SLC44A1: variants seen among roughly 807,000 people sequenced by gnomAD.
The protein encoded by SLC44A1 is choline transporter-like protein 1.
SLC44A1 carries 26 observed loss-of-function variants against 79.3 expected under a neutral mutation model. The ratio of observed to expected loss-of-function variants is 0.33; its 90% confidence interval spans 0.24 to 0.46. The LOEUF (loss-of-function observed/expected upper bound fraction) is 0.46, where lower values mean the gene tolerates loss of function less well. Among genes scored for constraint, SLC44A1 ranks in the 20% least tolerant of loss-of-function variants. The pLI is 1.00. For missense variants in SLC44A1, 688 were observed against 798.1 expected (o/e 0.86, Z 1.66); for synonymous variants, 263 against 286.2 (o/e 0.92, Z 0.82).
chr9:105,336,109 T>C (rs1036654094), intron 4 of SLC44A1, among the ~76,000 whole-genome samples: 5 of 150,930 alleles, frequency 3.3e-5, no homozygotes, highest in African/African-American at 9.9e-5. Context: ...ACAATATATA[T>C]ACATACATAT....
In SLC44A1 at chr9:105,259,280, C is replaced by G. The variant is rs556929683; in HGVS notation, c.36+14376C>G. The stretch of plus-strand genomic sequence containing the variant: ...TAATTCACCAATTCCTGAAAATACA[C>G]TTTTAAATAAGTAATGGATATTTAT... On this transcript the variant is annotated intron_variant, in intron 1 of 15. Coordinates refer to ENST00000374720, the MANE Select transcript of SLC44A1 (RefSeq NM_080546.5). Among the ~76,000 whole-genome samples, 10 of 152,290 alleles carry G rather than the reference C, an allele frequency of 6.6e-5. No individual in the cohort carries two copies. In the East Asian group the frequency reaches 1.9e-3, roughly 29 times the overall value.
At chr9:105,324,336 C>T (rs1310657511) in intron 3 of SLC44A1, among the ~76,000 whole-genome samples, 1 of 151,636 alleles carries the variant, frequency 6.6e-6, no homozygotes, top group Non-Finnish European at 1.5e-5. Flanking sequence ...CTGCAACCTC[C>T]ACCTCCTGGG....
At chr9:105,374,850 A>T in intron 13 of SLC44A1, 115 bp downstream of exon 13, 2 of 737,096 alleles carry the variant, frequency 2.7e-6, no homozygotes, top group Non-Finnish European at 4.5e-6. Context: ...TATAGCGAGT[A>T]CTTAGAAAGC....
Position 105,391,634 on chromosome 9 carries a change from G to C in SLC44A1, c.*2578G>C. On this transcript the variant is annotated 3_prime_UTR_variant, in exon 16 of 16. Coordinates refer to ENST00000374720, the MANE Select transcript of SLC44A1 (RefSeq NM_080546.5). ...AGGATTTTAAGCAATATTTAAATGTGTTGAGGTTATGTTTGGATATTCCTG... is the reference window on the plus strand; with the variant it reads ...AGGATTTTAAGCAATATTTAAATGTCTTGAGGTTATGTTTGGATATTCCTG... The C allele has an allele frequency of 4.1e-6, 4 of 985,330 alleles. No homozygotes were observed. In the South Asian group the frequency reaches 1.9e-4, roughly 46 times the overall value. 61.0% of individuals were successfully genotyped at this position (985,330 alleles called of 1,614,324 possible).
At chr9:105,354,062 T>C in intron 5 of SLC44A1, among the ~76,000 whole-genome samples, 1 of 135,602 alleles carries the variant, frequency 7.4e-6, no homozygotes, top group Non-Finnish European at 1.6e-5. Flanking sequence ...TTTTTTTTTT[T>C]TTTTTTGAGA....
chr9:105,357,585 C>T (rs1827658045), intron 6 of SLC44A1, among the ~76,000 whole-genome samples: 1 of 151,956 alleles, frequency 6.6e-6, no homozygotes, highest in Non-Finnish European at 1.5e-5. Context: ...AACGTATTTC[C>T]CATGCAAGGG....
At chr9:105,320,407 A>G (rs974300158) in intron 3 of SLC44A1, among the ~76,000 whole-genome samples, 2 of 151,260 alleles carry the variant, frequency 1.3e-5, no homozygotes, top group Non-Finnish European at 2.9e-5. Context: ...TTGAGATTGC[A>G]GAGTCATGTG....
chr9:105,310,119 G>A (rs1831138874), intron 3 of SLC44A1, among the ~76,000 whole-genome samples: 1 of 151,710 alleles, frequency 6.6e-6, no homozygotes, highest in Admixed American at 6.6e-5. Flanking sequence ...AATGGGTAAA[G>A]GCTTGATTTG....
intron 1 of SLC44A1, among the ~76,000 whole-genome samples, chr9:105,268,327 G>A (rs1183308225): frequency 6.6e-6 from 1 of 152,034 alleles, no homozygotes; most frequent in Non-Finnish European, 1.5e-5. Context: ...GCTTTTTCGA[G>A]TGTACTAGGT....
chr9:105,275,298 C>T (rs1302123205), intron 1 of SLC44A1, among the ~76,000 whole-genome samples: 1 of 152,178 alleles, frequency 6.6e-6, no homozygotes, highest in Non-Finnish European at 1.5e-5. Flanking sequence ...ATGTGTTTTA[C>T]AGCATCAGGG....
chr9:105,394,012 A>G lies in SLC44A1; in HGVS notation c.*4956A>G, dbSNP rs914136189. The G allele has an allele frequency of 3.0e-5, 30 of 984,436 alleles. No individual in the cohort carries two copies. Among genetic ancestry groups the G allele is most frequent in the Non-Finnish European group, 3.3e-5 (27 of 829,140 alleles). The allele number at this position is 984,436 out of a possible 1,614,324, so 61.0% of individuals were successfully genotyped here. ...CAAAAACAAGTTATTTTGAAGAGAC[A>G]ATGGGTCTCTTTGAGCTTAAGAAAG... On this transcript the variant is annotated 3_prime_UTR_variant, in exon 16 of 16. Coordinates refer to ENST00000374720, the MANE Select transcript of SLC44A1 (RefSeq NM_080546.5).
At position 105,389,069 on chromosome 9, in the gene SLC44A1, G is replaced by A. The variant is rs1828699813; in HGVS notation, c.*13G>A. ...AAGTTCTGCTTGAACCTAGCCGACG[G>A]TTATGGAAACCCATTGACATTCCAA... On this transcript the variant is annotated 3_prime_UTR_variant, in exon 16 of 16. Coordinates refer to ENST00000374720, the MANE Select transcript of SLC44A1 (RefSeq NM_080546.5). 7 of 1,613,074 alleles carry A rather than the reference G, an allele frequency of 4.3e-6. No homozygotes were observed. Among genetic ancestry groups the A allele is most frequent in the South Asian group, 1.1e-5 (1 of 91,038 alleles).
intron 1 of SLC44A1, among the ~76,000 whole-genome samples, chr9:105,269,941 C>T (rs1651951461): frequency 6.6e-6 from 1 of 152,144 alleles, no homozygotes; most frequent in Non-Finnish European, 1.5e-5. Context: ...TTTCAGTAAG[C>T]TTGTTTATTT....
chr9:105,411,444 C>CTGTGTG (rs1386640647), intron 15 of SLC44A1, among the ~76,000 whole-genome samples: 1 of 144,754 alleles, frequency 6.9e-6, no homozygotes, highest in Admixed American at 6.8e-5. Flanking sequence ...CTTGGTCTCT[C>CTGTGTG]TCTGTGTATG....
chr9:105,366,823 CCCTTTCATTTTTAAAAATGTTGTT>C (rs549334783), intron 12 of SLC44A1, among the ~76,000 whole-genome samples: 5 of 152,228 alleles, frequency 3.3e-5, no homozygotes, highest in South Asian at 4.1e-4. Context: ...GCTATGATTA[CCCTTTCATTTTTAAAAATGTTGTT>C]TGAAAACTTC....
intron 5 of SLC44A1, among the ~76,000 whole-genome samples, chr9:105,354,835 GC>G (rs1827570315): frequency 6.6e-6 from 1 of 152,172 alleles, no homozygotes; most frequent in South Asian, 2.1e-4. Context: ...TTGAAAAGAA[GC>G]ATTTTTCGAG....
chr9:105,344,280 G>A (rs1426157630), intron 4 of SLC44A1, among the ~76,000 whole-genome samples: 2 of 152,078 alleles, frequency 1.3e-5, no homozygotes, highest in Non-Finnish European at 2.9e-5. Context: ...GAAACTCTTT[G>A]TTTTGTATCT....
At chr9:105,281,404 T>C (rs1830347859) in intron 1 of SLC44A1, among the ~76,000 whole-genome samples, 1 of 152,212 alleles carries the variant, frequency 6.6e-6, no homozygotes, top group African/African-American at 2.4e-5. Context: ...CTTTTTGATA[T>C]TATTTAATTA....
intron 15 of SLC44A1, chr9:105,386,039 G>A: frequency 2.0e-6 from 2 of 985,240 alleles, no homozygotes; most frequent in Non-Finnish European, 2.4e-6. Flanking sequence ...CTATTTTTCA[G>A]TAGCAAACAA....
Sources: allele counts gnomAD v4.1 joint callset (sites outside exome capture counted in the v4.1 genomes callset), GRCh38; gene constraint gnomAD v4.1.1; transcripts MANE v1.5; gene names NCBI Gene and HGNC (gene_info 2026-07-23, HGNC 2026-07-21).